NPNT: variants seen among roughly 807,000 people sequenced by gnomAD.
The protein encoded by NPNT is nephronectin.
A neutral mutation model predicts 68.6 loss-of-function variants in NPNT; 45 were observed. The observed-to-expected ratio is 0.66, with a 90% confidence interval of 0.52 to 0.84. The LOEUF (loss-of-function observed/expected upper bound fraction) is 0.84. NPNT is among the 40% of genes least tolerant of loss of function. NPNT has a pLI of 0.00. For synonymous variants in NPNT, 233 were observed against 253.3 expected, an observed-to-expected ratio of 0.92 and a Z score of 0.76; for missense variants, 672 against 714.8, an observed-to-expected ratio of 0.94 and a Z score of 0.68.
chr4:105,904,706 G>A (rs768012089), intron 2 of NPNT, among the ~76,000 whole-genome samples: 7 of 151,750 alleles, frequency 4.6e-5, no homozygotes, highest in East Asian at 1.9e-4. Context: ...TCTTTGAGAC[G>A]GGGTCTCACT....
chr4:105,964,731 AATT>A (rs1731986444), intron 10 of NPNT, among the ~76,000 whole-genome samples: 2 of 152,110 alleles, frequency 1.3e-5, no homozygotes, highest in African/African-American at 4.8e-5. Context: ...CAAAAAGAAA[AATT>A]ATCCTTTTTT....
chr4:105,958,663 T>C, intron 9 of NPNT, 106 bp downstream of exon 9: 1 of 581,734 alleles, frequency 1.7e-6, no homozygotes, highest in Non-Finnish European at 2.9e-6. Flanking sequence ...AAATTACACC[T>C]GTTTTCTTTA....
intron 8 of NPNT, among the ~76,000 whole-genome samples, chr4:105,947,451 T>C (rs993511556): frequency 6.6e-6 from 1 of 152,194 alleles, no homozygotes; most frequent in African/African-American, 2.4e-5. Context: ...GTTCCTCTGC[T>C]GCAGCTCCAG....
At chr4:105,898,351 TC>T (rs1726104814) in intron 2 of NPNT, among the ~76,000 whole-genome samples, 5 of 144,158 alleles carry the variant, frequency 3.5e-5, no homozygotes, top group Admixed American at 6.8e-5. Context: ...TCTCTCTCTC[TC>T]TCTCTCTCTC....
At chr4:105,919,958 A>G (rs947786276) in intron 2 of NPNT, among the ~76,000 whole-genome samples, 1 of 151,974 alleles carries the variant, frequency 6.6e-6, no homozygotes, top group Non-Finnish European at 1.5e-5. Context: ...ACATCTATGG[A>G]TAATCTTTCC....
intron 3 of NPNT, 146 bp from the exon 4 acceptor site, chr4:105,936,863 A>G (rs1355088264): frequency 1.5e-5 from 11 of 757,106 alleles, no homozygotes; most frequent in Non-Finnish European, 6.1e-6. Flanking sequence ...TATTGCATGA[A>G]CAGGATCTAT....
chr4:105,959,859 G>C (rs1731563100), intron 10 of NPNT, among the ~76,000 whole-genome samples: 2 of 144,550 alleles, frequency 1.4e-5, no homozygotes, highest in Admixed American at 1.4e-4. Context: ...GCCCAGGCTA[G>C]AGTGCAGTGG....
chr4:105,899,659 A>G (rs1269495304), intron 2 of NPNT, among the ~76,000 whole-genome samples: 1 of 152,218 alleles, frequency 6.6e-6, no homozygotes, highest in Non-Finnish European at 1.5e-5. Context: ...TACTTCCAAA[A>G]TCAAAGTAGT....
At chr4:105,960,761 C>CATGT (rs1553913664) in intron 10 of NPNT, among the ~76,000 whole-genome samples, 4 of 149,110 alleles carry the variant, frequency 2.7e-5, no homozygotes, top group African/African-American at 9.8e-5. Context: ...AACATATCTA[C>CATGT]GTGTGTGTGT....
At chr4:105,920,099 C>T (rs1728136374) in intron 2 of NPNT, among the ~76,000 whole-genome samples, 1 of 151,836 alleles carries the variant, frequency 6.6e-6, no homozygotes, top group Admixed American at 6.6e-5. Context: ...ACTTCGTAAC[C>T]ATAGATTCTT....
At chr4:105,927,544 G>T in intron 3 of NPNT, 116 bp downstream of exon 3, 2 of 509,040 alleles carry the variant, frequency 3.9e-6, no homozygotes. Context: ...TATGTGAGCT[G>T]CCATTTTGCT....
intron 5 of NPNT, 92 bp from the exon 6 acceptor site, chr4:105,939,983 G>T: frequency 1.8e-6 from 2 of 1,103,502 alleles, no homozygotes. Flanking sequence ...TATATGCTAG[G>T]CAACCATTTG....
intron 8 of NPNT, among the ~76,000 whole-genome samples, chr4:105,954,660 C>G (rs983021649): frequency 2.0e-5 from 3 of 152,200 alleles, no homozygotes; most frequent in Non-Finnish European, 4.4e-5. Context: ...CTTGCTGCCT[C>G]CCTCCCCCTG....
At chr4:105,896,174 G>T (rs1340869316) in intron 1 of NPNT, among the ~76,000 whole-genome samples, 1 of 152,200 alleles carries the variant, frequency 6.6e-6, no homozygotes. Context: ...TCTCGGGGCC[G>T]CTCACACAGA....
chr4:105,921,314 A>G (rs1327436228), intron 2 of NPNT, among the ~76,000 whole-genome samples: 1 of 152,148 alleles, frequency 6.6e-6, no homozygotes, highest in East Asian at 1.9e-4. Context: ...TGGATTGAGC[A>G]TGGAACTGGG....
chr4:105,970,569 A>G lies in NPNT; in HGVS notation c.*1579A>G, dbSNP rs1173326436. On this transcript the variant is annotated 3_prime_UTR_variant, in exon 12 of 12. Coordinates refer to ENST00000379987, the MANE Select transcript of NPNT (RefSeq NM_001033047.3). ...TCTCCATATGCACTAAGAATAGAAC[A>G]AGAGGAAACTGGCTTAGACTAGAGT... 1.5e-6 allele frequency: 1 copy of G among 679,020 alleles called. No homozygotes were observed. The allele number at this position is 679,020 out of a possible 1,614,324, so 42.1% of individuals were successfully genotyped here.
At chr4:105,965,639 G>A (rs997163602) in intron 10 of NPNT, among the ~76,000 whole-genome samples, 5 of 152,192 alleles carry the variant, frequency 3.3e-5, no homozygotes, top group African/African-American at 9.7e-5. Context: ...TACCTGTGAT[G>A]ATTCAAAAGC....
At chr4:105,926,364 T>G (rs1360438466) in intron 2 of NPNT, among the ~76,000 whole-genome samples, 1 of 152,196 alleles carries the variant, frequency 6.6e-6, no homozygotes, top group Non-Finnish European at 1.5e-5. Flanking sequence ...ATGCACATAT[T>G]TGGTACAGAA....
intron 10 of NPNT, 111 bp downstream of exon 10, chr4:105,959,237 T>G (rs774090824): frequency 1.5e-6 from 1 of 678,196 alleles, no homozygotes; most frequent in Admixed American, 2.5e-5. Context: ...GTTTACTTGA[T>G]AAAGATGGTC....
Sources: allele counts gnomAD v4.1 joint callset (sites outside exome capture counted in the v4.1 genomes callset), GRCh38; gene constraint gnomAD v4.1.1; transcripts MANE v1.5; gene names NCBI Gene and HGNC (gene_info 2026-07-23, HGNC 2026-07-21).